Variants in FAT1 observed in about 807,000 individuals in gnomAD.
FAT1 encodes protocadherin Fat 1.
FAT1 carries 171 observed loss-of-function variants against 329.8 expected under a neutral mutation model. The observed-to-expected ratio is 0.52, with a 90% CI of 0.46 to 0.59. FAT1 has a LOEUF of 0.59. Among genes scored for constraint, FAT1 ranks in the 20% least tolerant of loss-of-function variants. FAT1 has a pLI of 0.00. For missense variants in FAT1, 5,672 were observed against 5,774.4 expected (o/e 0.98, Z 0.57); for synonymous variants, 2,233 against 2,228.6 (o/e 1.00, Z -0.06).
intron 3 of FAT1, among the ~76,000 whole-genome samples, chr4:186,654,424 A>C (rs1741809827): frequency 6.6e-6 from 1 of 152,158 alleles, no homozygotes. Flanking sequence ...ATGAGACAGA[A>C]AGGGGCAAAA....
rs1388803294 is a variant in FAT1, at chr4:186,619,550, T to C, written c.7036A>G (p.Arg2346Gly). ...DSSTGLISLL[R>G]TLDYEQSRQH... Reference sequence around the variant, plus strand: ...CGGGACTGCTCGTAATCCAGGGTTCTGAGTAGTGAGATGAGGCCAGTGCTG... The same window carrying C: ...CGGGACTGCTCGTAATCCAGGGTTCCGAGTAGTGAGATGAGGCCAGTGCTG... Residue 2346 changes from arginine (R) to glycine (G), a missense_variant, in exon 10 of 27, where the codon AGA becomes GGA. Physicochemically the swap from Arg to Gly is moderately radical, Grantham distance 125. This residue lies in a region of FAT1 where 3,966 missense variants were observed against 3,915.2 expected (regional missense o/e 1.01). Transcript: ENST00000441802. 1.9e-6 allele frequency: 3 copies of C among 1,613,858 alleles called. No individual in the cohort carries two copies. Among genetic ancestry groups the C allele is most frequent in the African/African-American group, 1.3e-5 (1 of 74,936 alleles).
rs80304583 is a variant in FAT1, at chr4:186,679,543, C to T, written c.3266-15930G>A. On this transcript the variant is annotated intron_variant, in intron 2 of 26. Coordinates refer to ENST00000441802, the MANE Select transcript of FAT1 (RefSeq NM_005245.4). ...TTTTCTATCCATAAGCAGGAAGTAT[C>T]TCACATCTTATTTAGAAAACTGTCT... 1.8e-3 allele frequency among the ~76,000 whole-genome samples: 268 copies of T among 151,238 alleles called. 3 individuals are homozygous for T. Among genetic ancestry groups the T allele is most frequent in the East Asian group, 0.014 (70 of 5,126 alleles).
Position 186,595,685 on chromosome 4 carries a change from T to A in FAT1, c.13138+4A>T, listed in dbSNP as rs777835734. On this transcript the variant is annotated splice_donor_region_variant and intron_variant, in intron 26 of 26. Transcript: ENST00000441802. ...CGCAGTGTTGCAGCACACTGCTGCC[T>A]CACCATTGTCATCGCACGATTCGGA... 6.2e-7 allele frequency: 1 copy of A among 1,613,850 alleles called. No homozygotes were observed. Among genetic ancestry groups the A allele is most frequent in the South Asian group, 1.1e-5 (1 of 91,066 alleles).
intron 2 of FAT1, among the ~76,000 whole-genome samples, chr4:186,668,884 G>A (rs920090715): frequency 3.3e-5 from 5 of 151,946 alleles, no homozygotes; most frequent in African/African-American, 1.2e-4. Context: ...ATCAAACTGT[G>A]GTCACTCTCA....
At chr4:186,643,799 C>T in intron 3 of FAT1, among the ~76,000 whole-genome samples, 1 of 142,412 alleles carries the variant, frequency 7.0e-6, no homozygotes, top group South Asian at 2.5e-4. Context: ...CCCCCCCCCA[C>T]CCCCACCCAC....
Position 186,595,752 on chromosome 4 carries a change from G to A in FAT1, c.13075C>T (p.Arg4359Trp), listed in dbSNP as rs1170751291. ...GACTGCACTTCAGACAGGCTTTCCC[G>A]GGCACTGTATGGCTGGGAAGGCTTT... ...EEKPSQPYSA[R>W]ESLSEVQSLS... The change falls in exon 26 of 27, where the codon CGG becomes TGG. Residue 4359 changes from arginine (R) to tryptophan (W), a missense_variant. Physicochemically the swap from Arg to Trp is moderately radical, Grantham distance 101. This residue lies in a region of FAT1 where 1,706 missense variants were observed against 1,859.1 expected (regional missense o/e 0.92). Transcript: ENST00000441802. 2.7e-5 allele frequency: 43 copies of A among 1,613,710 alleles called. No individual in the cohort carries two copies. The highest frequency in any genetic ancestry group is 5.5e-5 in the South Asian group (5 of 91,074).
intron 3 of FAT1, among the ~76,000 whole-genome samples, chr4:186,645,602 A>G (rs55756388): frequency 0.037 from 5,667 of 151,400 alleles, 344 homozygotes; most frequent in African/African-American, 0.13. Flanking sequence ...CTACATTAAA[A>G]GTGAAAGAAA....
At chr4:186,657,195 C>T (rs11730875) in intron 3 of FAT1, among the ~76,000 whole-genome samples, 43,379 of 152,084 alleles carry the variant, frequency 0.29, 7,111 homozygotes, top group Middle Eastern at 0.4. Context: ...ATGTTCACAG[C>T]GGATTTACAA....
intron 1 of FAT1, among the ~76,000 whole-genome samples, chr4:186,719,918 C>G (rs887591453): frequency 6.6e-6 from 1 of 152,204 alleles, no homozygotes; most frequent in East Asian, 1.9e-4. Flanking sequence ...CCTATTCAAA[C>G]TTCTTTGTGA....
chr4:186,668,004 G>C (rs547582626), intron 2 of FAT1, among the ~76,000 whole-genome samples: 3 of 152,290 alleles, frequency 2.0e-5, no homozygotes, highest in African/African-American at 7.2e-5. Context: ...AGGCCACAAG[G>C]AGTTTCCCAG....
intron 2 of FAT1, among the ~76,000 whole-genome samples, chr4:186,676,398 T>C (rs1259679132): frequency 1.3e-5 from 2 of 152,138 alleles, no homozygotes; most frequent in African/African-American, 4.8e-5. Context: ...AGAAGAAATA[T>C]ACATGTATTA....
rs1258054510 is a variant in FAT1 at position 186,619,223 on chromosome 4, G to A, written c.7363C>T (p.His2455Tyr). The change falls in exon 10 of 27, where the codon CAC becomes TAC. Residue 2455 changes from histidine to tyrosine, a missense_variant. Coordinates refer to ENST00000441802, the MANE Select transcript of FAT1 (RefSeq NM_005245.4). ...GIITLSNLHR[H>Y]ALKPFYSLNL... ...AGACTGTAAAATGGCTTCAGGGCGT[G>A]CCGGTGCAGGTTTGAGAGGGTGATA... 1.2e-6 allele frequency: 2 copies of A among 1,613,870 alleles called. No homozygotes were observed. The highest frequency in any genetic ancestry group is 1.7e-6 in the Non-Finnish European group (2 of 1,179,914).
In FAT1 at chr4:186,611,512, T is replaced by C. The variant is rs766106469; in HGVS notation, c.9727A>G (p.Ile3243Val). ...REYGATVSEDILVGTEVLQVY... is the reference protein window; with the variant it reads ...REYGATVSEDVLVGTEVLQVY... ...TGAAGAACTTCAGTTCCAACAAGAA[T>C]GTCCTCAGACACGGTGGCACCATAT... is the stretch of plus-strand genomic sequence containing the variant. Residue 3243 changes from isoleucine (I) to valine (V), a missense_variant, in exon 14 of 27, where the codon ATT becomes GTT. Physicochemically the swap from Ile to Val is conservative, Grantham distance 29. Transcript: ENST00000441802. 28 of 1,613,876 alleles carry C rather than the reference T, an allele frequency of 1.7e-5. No individual in the cohort carries two copies. The highest frequency in any genetic ancestry group is 1.1e-4 in the South Asian group (10 of 91,088).
intron 3 of FAT1, among the ~76,000 whole-genome samples, chr4:186,646,729 A>G (rs1044684678): frequency 3.1e-4 from 12 of 39,142 alleles, no homozygotes; most frequent in African/African-American, 1.7e-3. Context: ...CTACATAGAA[A>G]AAAAAAAAAA....
rs867821521 is a variant in FAT1, at chr4:186,621,469, G to A, written c.5117C>T (p.Thr1706Ile). The change falls in exon 10 of 27, where the codon ACA becomes ATA. Residue 1706 changes from threonine to isoleucine, a missense_variant. By Grantham distance (89) the Thr-to-Ile change is moderately conservative. Around this residue, in one of 2 missense-constraint regions of FAT1, gnomAD observed 3,966 missense variants for 3,915.2 expected, o/e 1.01. Transcript: ENST00000441802. ...SVVYEIKDGN[T>I]GDAFDINPHS... ...TGGATTAATATCAAAAGCATCACCT[G>A]TATTTCCATCTTTTATTTCATACAC... The A allele has an allele frequency of 3.1e-6, 5 of 1,613,994 alleles. No homozygotes were observed. The highest frequency in any genetic ancestry group is 1.7e-6 in the Non-Finnish European group (2 of 1,179,878).
chr4:186,588,354 CACAG>C lies in FAT1; in HGVS notation c.*234_*237del, dbSNP rs551130064. The C allele has an allele frequency of 1.7e-4, 84 of 505,662 alleles. No individual in the cohort carries two copies. The highest frequency in any genetic ancestry group is 1.8e-4 in the Non-Finnish European group (53 of 288,782). The allele number at this position is 505,662 out of a possible 1,614,324, so 31.3% of individuals were successfully genotyped here. Reference sequence around the variant, plus strand: ...CTGATTTTTCGTTTGATTATTTTAACACAGACAGATGTAAATCCCAAAAGACGTT... The same window carrying C: ...CTGATTTTTCGTTTGATTATTTTAACACAGATGTAAATCCCAAAAGACGTT... On this transcript the variant is annotated 3_prime_UTR_variant, in exon 27 of 27. Transcript: ENST00000441802.
Position 186,618,044 on chromosome 4 carries a change from G to C in FAT1, c.8542C>G (p.Leu2848Val), listed in dbSNP as rs1175581679. The C allele has an allele frequency of 6.2e-7, 1 of 1,614,012 alleles. No homozygotes were observed. The highest frequency in any genetic ancestry group is 2.2e-5 in the East Asian group (1 of 44,882). Reference sequence around the variant, plus strand: ...ACTTCCACACTTTGTGACTGATCCAGGCTATACATAACTTGGCCGTTGGTT... The same window carrying C: ...ACTTCCACACTTTGTGACTGATCCACGCTATACATAACTTGGCCGTTGGTT... The part of the protein sequence containing the change: ...SGTNGQVMYS[L>V]DQSQSVEVIE... The change falls in exon 10 of 27, where the codon CTG becomes GTG. Residue 2848 changes from leucine to valine, a missense_variant. Physicochemically the swap from Leu to Val is conservative, Grantham distance 32. Coordinates refer to ENST00000441802, the MANE Select transcript of FAT1 (RefSeq NM_005245.4).
chr4:186,604,837 G>GGA (rs1182748744), intron 17 of FAT1, among the ~76,000 whole-genome samples: 1 of 78,516 alleles, frequency 1.3e-5, no homozygotes, highest in East Asian at 2.3e-4. Context: ...AGAGGGAGGA[G>GGA]GGGAAGCAGA....
intron 3 of FAT1, among the ~76,000 whole-genome samples, chr4:186,642,617 G>A (rs1176456878): frequency 7.0e-6 from 1 of 143,314 alleles, no homozygotes; most frequent in Non-Finnish European, 1.5e-5. Flanking sequence ...GCGTGTGCCA[G>A]GTGCTGCGAT....
Sources: gnomAD v4.1 joint callset for allele counts (sites outside exome capture counted in the v4.1 genomes callset) on GRCh38, gnomAD v4.1.1 for gene constraint, gnomAD v4.1.1 regional missense constraint, MANE v1.5 for transcripts, NCBI Gene and HGNC (gene_info 2026-07-23, HGNC 2026-07-21) for gene names.